The following TOP6BL variants were observed in gnomAD, a reference collection of about 807,000 sequenced individuals.
The protein encoded by TOP6BL is type 2 DNA topoisomerase 6 subunit B-like.
At chr11:66,783,131 A>C in the TOP6BL span, among the ~76,000 whole-genome samples, 3 of 152,352 alleles carry the variant, frequency 2.0e-5, no homozygotes, top group African/African-American at 7.2e-5. Flanking sequence ...AGATCTCTCG[A>C]GACCAGCCTG....
chr11:66,801,542 G>A, the TOP6BL span, among the ~76,000 whole-genome samples: 2 of 152,162 alleles, frequency 1.3e-5, no homozygotes, highest in Non-Finnish European at 2.9e-5. Flanking sequence ...CAGACTCCAA[G>A]AAAGTAAATC....
the TOP6BL span, among the ~76,000 whole-genome samples, chr11:66,767,073 CT>C: frequency 4.6e-5 from 7 of 152,174 alleles, no homozygotes; most frequent in South Asian, 2.1e-4. Flanking sequence ...ACATTCTTCC[CT>C]TAATGATTCC....
chr11:66,838,734 T>C, the TOP6BL span, among the ~76,000 whole-genome samples: 1 of 152,122 alleles, frequency 6.6e-6, no homozygotes, highest in Non-Finnish European at 1.5e-5. Flanking sequence ...AATTTTATTT[T>C]ATTTTTATTT....
the TOP6BL span, chr11:66,843,359 G>C: frequency 1.4e-6 from 2 of 1,428,846 alleles, no homozygotes; most frequent in Non-Finnish European, 1.8e-6. Flanking sequence ...GTCGGGCCCG[G>C]GCGGGGCGGG....
the TOP6BL span, among the ~76,000 whole-genome samples, chr11:66,758,891 T>G: frequency 6.6e-6 from 1 of 152,240 alleles, no homozygotes; most frequent in Non-Finnish European, 1.5e-5. Context: ...TTATAGTATT[T>G]CTTTGATGTT....
chr11:66,819,419 A>G, the TOP6BL span, among the ~76,000 whole-genome samples: 1 of 152,246 alleles, frequency 6.6e-6, no homozygotes, highest in South Asian at 2.1e-4. Context: ...ATACCAATCT[A>G]GATGATACAT....
chr11:66,762,358 G>A, the TOP6BL span: 5 of 374,812 alleles, frequency 1.3e-5, no homozygotes, highest in African/African-American at 2.2e-5. Context: ...CGGCGACGCA[G>A]AAGCCCAGCA....
the TOP6BL span, among the ~76,000 whole-genome samples, chr11:66,767,783 T>G: frequency 6.6e-6 from 1 of 152,142 alleles, no homozygotes; most frequent in African/African-American, 2.4e-5. Flanking sequence ...GGGAGACTTT[T>G]TTGTTGTTCA....
chr11:66,755,341 G>A, the TOP6BL span, among the ~76,000 whole-genome samples: 25 of 151,960 alleles, frequency 1.6e-4, no homozygotes, highest in Non-Finnish European at 2.1e-4. Flanking sequence ...GGCTGGTGTC[G>A]AACTCCTAAC....
At chr11:66,753,824 C>A in the TOP6BL span, among the ~76,000 whole-genome samples, 1 of 152,144 alleles carries the variant, frequency 6.6e-6, no homozygotes, top group Admixed American at 6.6e-5. Flanking sequence ...CCTGCCTCAG[C>A]CTCCTCAGTA....
chr11:66,774,829 C>T, the TOP6BL span, among the ~76,000 whole-genome samples: 1 of 150,994 alleles, frequency 6.6e-6, no homozygotes, highest in Admixed American at 6.6e-5. Flanking sequence ...TAGTTAAGTT[C>T]CAGGCTGGAC....
the TOP6BL span, among the ~76,000 whole-genome samples, chr11:66,770,832 C>G: frequency 1.2e-4 from 19 of 152,304 alleles, no homozygotes; most frequent in Middle Eastern, 6.8e-3. Flanking sequence ...GGCCACTTAG[C>G]ATAGTATAAT....
the TOP6BL span, among the ~76,000 whole-genome samples, chr11:66,817,425 T>G: frequency 7.3e-5 from 11 of 149,778 alleles, no homozygotes; most frequent in Non-Finnish European, 1.6e-4. Context: ...AATCACTGGA[T>G]GATGATGATG....
At chr11:66,827,609 A>G in the TOP6BL span, among the ~76,000 whole-genome samples, 2 of 152,036 alleles carry the variant, frequency 1.3e-5, no homozygotes, top group African/African-American at 4.8e-5. Context: ...TTCTTATAGA[A>G]GAGCAGTTTA....
the TOP6BL span, among the ~76,000 whole-genome samples, chr11:66,786,999 T>A: frequency 4.0e-5 from 6 of 151,684 alleles, no homozygotes; most frequent in Non-Finnish European, 7.4e-5. Flanking sequence ...AATGGCACGA[T>A]CTTGGCTCAC....
the TOP6BL span, among the ~76,000 whole-genome samples, chr11:66,793,444 G>GTTTTTTTT: frequency 8.2e-5 from 8 of 97,986 alleles, no homozygotes; most frequent in Admixed American, 2.3e-4. Context: ...TTCTTTTTTT[G>GTTTTTTTT]TTTTTTTTTT....
the TOP6BL span, among the ~76,000 whole-genome samples, chr11:66,780,826 C>T: frequency 2.0e-5 from 3 of 152,190 alleles, no homozygotes; most frequent in Non-Finnish European, 2.9e-5. Flanking sequence ...AAGCGATCCA[C>T]CTACTTTGGC....
chr11:66,782,452 G>A, the TOP6BL span, among the ~76,000 whole-genome samples: 1 of 152,252 alleles, frequency 6.6e-6, no homozygotes, highest in East Asian at 1.9e-4. Flanking sequence ...CCTGCTCTTT[G>A]TATCTCCCTC....
At chr11:66,780,169 T>G in the TOP6BL span, among the ~76,000 whole-genome samples, 16 of 151,986 alleles carry the variant, frequency 1.1e-4, no homozygotes, top group African/African-American at 3.9e-4. Context: ...AAAAAGAAAC[T>G]GTGGTATTGG....
Sources: gnomAD v4.1 joint callset for allele counts (sites outside exome capture counted in the v4.1 genomes callset) on GRCh38, gnomAD v4.1.1 for gene constraint, MANE v1.5 for transcripts, NCBI Gene and HGNC (gene_info 2026-07-23, HGNC 2026-07-21) for gene names.